Variants in RBFOX1 observed in about 807,000 individuals in gnomAD.
RBFOX1 encodes the protein RNA binding protein fox-1 homolog 1.
A neutral mutation model predicts 57.7 loss-of-function variants in RBFOX1; 8 were observed. The ratio of observed to expected loss-of-function variants is 0.14; its 90% CI spans 0.08 to 0.25. The LOEUF is 0.25. Among genes scored for constraint, RBFOX1 ranks in the 10% least tolerant of loss-of-function variants. RBFOX1 has a pLI of 1.00. For missense variants in RBFOX1, 611 were observed against 548.5 expected (o/e 1.11, Z -1.14); for synonymous variants, 326 against 222.4 (o/e 1.47, Z -4.15).
At chr16:6,921,819 T>G (rs1238578472) in intron 3 of RBFOX1, among the ~76,000 whole-genome samples, 1 of 152,006 alleles carries the variant, frequency 6.6e-6, no homozygotes, top group Non-Finnish European at 1.5e-5. Flanking sequence ...CCATGTAACT[T>G]TCCATCACTT....
intron 2 of RBFOX1, among the ~76,000 whole-genome samples, chr16:5,536,657 C>A (rs542190121): frequency 6.6e-6 from 1 of 151,986 alleles, no homozygotes; most frequent in Admixed American, 6.6e-5. Flanking sequence ...GCGTCAAATT[C>A]GGTCCCCACT....
intron 4 of RBFOX1, among the ~76,000 whole-genome samples, chr16:7,152,698 C>T (rs2076325969): frequency 6.6e-6 from 1 of 151,982 alleles, no homozygotes; most frequent in African/African-American, 2.4e-5. Flanking sequence ...GCAGCATGGG[C>T]AAAATAAGTT....
In RBFOX1 at chr16:6,582,041, T is replaced by C. The variant is rs543183737; in HGVS notation, c.-63-72562T>C. 2.0e-5 allele frequency among the ~76,000 whole-genome samples: 3 copies of C among 152,310 alleles called. No homozygotes were observed. In the East Asian group the frequency reaches 5.8e-4, roughly 29 times the overall value. On this transcript the variant is annotated intron_variant, in intron 2 of 15. Coordinates refer to ENST00000550418, the MANE Select transcript of RBFOX1 (RefSeq NM_018723.4). ...GGAAAAGCCAGGGGTGCTGTACTGC[T>C]GCACATCTAACAAGGCAAAGACCAG...
intron 1 of RBFOX1, among the ~76,000 whole-genome samples, chr16:6,027,922 A>C (rs2095227105): frequency 6.6e-6 from 1 of 152,238 alleles, no homozygotes; most frequent in Non-Finnish European, 1.5e-5. Context: ...GGATGCTGAC[A>C]GCAGCCATAT....
intron 2 of RBFOX1, among the ~76,000 whole-genome samples, chr16:6,534,257 A>ATG (rs143116379): frequency 0.038 from 5,725 of 149,402 alleles, 122 homozygotes; most frequent in Middle Eastern, 0.11. Flanking sequence ...ATCAGTGTGT[A>ATG]TGTGTGTGTG....
intron 3 of RBFOX1, among the ~76,000 whole-genome samples, chr16:5,812,813 C>A (rs1200226151): frequency 6.6e-6 from 1 of 152,046 alleles, no homozygotes; most frequent in South Asian, 2.1e-4. Flanking sequence ...GGGTATATGA[C>A]TGTGATTTTA....
chr16:6,024,032 G>C (rs756693545), intron 1 of RBFOX1, among the ~76,000 whole-genome samples: 1 of 152,174 alleles, frequency 6.6e-6, no homozygotes, highest in Non-Finnish European at 1.5e-5. Context: ...AATGACGCGT[G>C]GAGTTATATA....
At chr16:6,539,026 G>A (rs1346942523) in intron 2 of RBFOX1, among the ~76,000 whole-genome samples, 5 of 151,912 alleles carry the variant, frequency 3.3e-5, no homozygotes, top group Admixed American at 1.3e-4. Flanking sequence ...CTCATGTGGA[G>A]TGTCCTATAT....
At chr16:5,350,217 GC>G in intron 1 of RBFOX1, among the ~76,000 whole-genome samples, 1 of 152,312 alleles carries the variant, frequency 6.6e-6, no homozygotes, top group African/African-American at 2.4e-5. Context: ...TAGTGTGGGA[GC>G]CCCTTTGCCA....
chr16:5,314,433 A>C (rs991296316), intron 1 of RBFOX1, among the ~76,000 whole-genome samples: 5 of 152,246 alleles, frequency 3.3e-5, no homozygotes, highest in Non-Finnish European at 7.3e-5. Context: ...AAGCAGCACC[A>C]GGGCTGACCG....
intron 3 of RBFOX1, among the ~76,000 whole-genome samples, chr16:5,808,065 C>T (rs1477016343): frequency 1.3e-5 from 2 of 152,176 alleles, no homozygotes; most frequent in Non-Finnish European, 2.9e-5. Flanking sequence ...TGAATTTTGT[C>T]CCCAGTCCCA....
At chr16:6,257,093 G>T (rs921299809) in intron 1 of RBFOX1, among the ~76,000 whole-genome samples, 3 of 152,008 alleles carry the variant, frequency 2.0e-5, no homozygotes, top group African/African-American at 4.8e-5. Context: ...GAATGATTTG[G>T]TTACTTATTT....
intron 4 of RBFOX1, among the ~76,000 whole-genome samples, chr16:7,277,064 T>C (rs560239669): frequency 6.6e-6 from 1 of 152,240 alleles, no homozygotes; most frequent in South Asian, 2.1e-4. Flanking sequence ...CCTTTAAGAA[T>C]AGCAAACGTT....
intron 1 of RBFOX1, among the ~76,000 whole-genome samples, chr16:6,109,774 T>C (rs1200420338): frequency 6.6e-6 from 1 of 152,180 alleles, no homozygotes; most frequent in Non-Finnish European, 1.5e-5. Context: ...GCCACAGGAA[T>C]CCTTGTACAA....
chr16:7,473,785 G>T (rs1361115986), intron 4 of RBFOX1, among the ~76,000 whole-genome samples: 2 of 152,030 alleles, frequency 1.3e-5, no homozygotes, highest in African/African-American at 4.8e-5. Flanking sequence ...AATGGAGTGT[G>T]TAGACATTCA....
At chr16:6,680,079 A>G (rs1363865540) in intron 3 of RBFOX1, among the ~76,000 whole-genome samples, 1 of 151,812 alleles carries the variant, frequency 6.6e-6, no homozygotes, top group Non-Finnish European at 1.5e-5. Context: ...ATCTGAAGAG[A>G]TTGGCAACTT....
intron 2 of RBFOX1, among the ~76,000 whole-genome samples, chr16:5,543,821 A>T (rs555473957): frequency 3.3e-4 from 50 of 152,322 alleles, no homozygotes; most frequent in African/African-American, 9.1e-4. Context: ...AGCCACAAAG[A>T]TAAGGGTGAC....
chr16:6,513,022 C>G (rs776307732), intron 2 of RBFOX1, among the ~76,000 whole-genome samples: 21 of 152,132 alleles, frequency 1.4e-4, no homozygotes, highest in Admixed American at 3.3e-4. Flanking sequence ...TGTCTCCTTC[C>G]CACTGTGAAA....
chr16:6,796,687 G>A (rs985495103), intron 3 of RBFOX1, among the ~76,000 whole-genome samples: 1 of 151,998 alleles, frequency 6.6e-6, no homozygotes, highest in African/African-American at 2.4e-5. Flanking sequence ...GTTACCAATT[G>A]GTAAGAGATT....
Sources: allele counts gnomAD v4.1 joint callset (sites outside exome capture counted in the v4.1 genomes callset), GRCh38; gene constraint gnomAD v4.1.1; transcripts MANE v1.5; gene names NCBI Gene and HGNC (gene_info 2026-07-23, HGNC 2026-07-21).